Variants in ADGRL2 observed in about 807,000 individuals in gnomAD.
ADGRL2 encodes adhesion G protein-coupled receptor L2, also known as calcium-independent alpha-latrotoxin receptor 2.
In ADGRL2, 44 loss-of-function variants were observed where a neutral mutation model predicts 157.4. The ratio of observed to expected loss-of-function variants is 0.28; its 90% CI spans 0.22 to 0.36. The LOEUF is 0.36. ADGRL2 is among the 10% of genes least tolerant of loss of function. The pLI, the probability that ADGRL2 is intolerant of heterozygous loss-of-function variation, is 1.00. For missense variants in ADGRL2, 1,510 were observed against 1,768.9 expected (o/e 0.85, Z 2.63); for synonymous variants, 585 against 624.7 (o/e 0.94, Z 0.95).
chr1:81,350,367 G>A (rs892071880), intron 1 of ADGRL2, among the ~76,000 whole-genome samples: 3 of 152,148 alleles, frequency 2.0e-5, no homozygotes, highest in African/African-American at 7.2e-5. Context: ...GTTTATGATT[G>A]ACACAATGAA....
intron 2 of ADGRL2, among the ~76,000 whole-genome samples, chr1:81,847,357 T>TA (rs1365395921): frequency 2.0e-5 from 3 of 151,964 alleles, no homozygotes; most frequent in African/African-American, 7.2e-5. Flanking sequence ...CAGGTGATGC[T>TA]AAGGTTGCTG....
At chr1:81,462,076 T>C (rs2101810090) in intron 2 of ADGRL2, among the ~76,000 whole-genome samples, 1 of 152,242 alleles carries the variant, frequency 6.6e-6, no homozygotes, top group African/African-American at 2.4e-5. Context: ...CAACAATCAG[T>C]GCTCTGTGTC....
intron 3 of ADGRL2, among the ~76,000 whole-genome samples, chr1:81,668,949 T>G (rs1221906293): frequency 6.6e-6 from 1 of 152,184 alleles, no homozygotes; most frequent in East Asian, 1.9e-4. Flanking sequence ...GATACCTTCC[T>G]CAATATCTTG....
chr1:81,355,858 A>G (rs1663245678), intron 1 of ADGRL2, among the ~76,000 whole-genome samples: 1 of 152,174 alleles, frequency 6.6e-6, no homozygotes, highest in African/African-American at 2.4e-5. Context: ...TAACCCCTGG[A>G]TTAGACTATT....
At chr1:81,782,525 C>T (rs1442881283) in intron 2 of ADGRL2, among the ~76,000 whole-genome samples, 1 of 152,094 alleles carries the variant, frequency 6.6e-6, no homozygotes. Flanking sequence ...CCCAGTGAGC[C>T]TATTCTCTGT....
At chr1:81,307,914 G>A (rs1659462463) in intron 1 of ADGRL2, among the ~76,000 whole-genome samples, 1 of 151,338 alleles carries the variant, frequency 6.6e-6, no homozygotes, top group African/African-American at 2.4e-5. Flanking sequence ...TTAGCATAAA[G>A]AAGACATCTA....
intron 1 of ADGRL2, among the ~76,000 whole-genome samples, chr1:81,400,253 G>T (rs886858231): frequency 1.3e-5 from 2 of 152,022 alleles, no homozygotes; most frequent in African/African-American, 4.8e-5. Flanking sequence ...GCAGTGCTGG[G>T]TTCCAGGTGC....
intron 3 of ADGRL2, among the ~76,000 whole-genome samples, chr1:81,641,206 T>C (rs542314429): frequency 6.6e-6 from 1 of 152,276 alleles, no homozygotes; most frequent in African/African-American, 2.4e-5. Context: ...AAATAGATAG[T>C]CCACTATTAT....
intron 2 of ADGRL2, among the ~76,000 whole-genome samples, chr1:81,469,289 G>A (rs2078121626): frequency 2.0e-5 from 3 of 152,150 alleles, no homozygotes; most frequent in Admixed American, 6.5e-5. Context: ...AGGCACCAGT[G>A]TCCTCTCCTA....
chr1:81,909,718 G>A (rs1366352351), intron 3 of ADGRL2, among the ~76,000 whole-genome samples: 4 of 146,784 alleles, frequency 2.7e-5, no homozygotes, highest in Admixed American at 6.8e-5. Flanking sequence ...TCAAACCATT[G>A]CTTGTTTTTT....
chr1:81,762,583 A>G (rs1180181818), intron 2 of ADGRL2, among the ~76,000 whole-genome samples: 1 of 152,136 alleles, frequency 6.6e-6, no homozygotes, highest in African/African-American at 2.4e-5. Flanking sequence ...GTGGTTTAAG[A>G]GTATTCCCTA....
chr1:81,827,633 T>A (rs1394738432), intron 1 of ADGRL2, among the ~76,000 whole-genome samples: 2 of 152,196 alleles, frequency 1.3e-5, no homozygotes, highest in African/African-American at 2.4e-5. Flanking sequence ...TGGTGCGATC[T>A]TGGCGCACTA....
At chr1:81,565,541 G>A (rs1426544087) in intron 2 of ADGRL2, among the ~76,000 whole-genome samples, 1 of 152,154 alleles carries the variant, frequency 6.6e-6, no homozygotes, top group East Asian at 1.9e-4. Context: ...TGACCATGCT[G>A]CAGAGGTTTT....
intron 1 of ADGRL2, among the ~76,000 whole-genome samples, chr1:81,834,814 A>G (rs889027522): frequency 8.5e-4 from 129 of 152,310 alleles, no homozygotes; most frequent in Non-Finnish European, 5.1e-4. Context: ...ACAACCACTT[A>G]CATGGTCTCA....
chr1:81,589,795 T>C (rs1325399554), intron 3 of ADGRL2, among the ~76,000 whole-genome samples: 1 of 152,198 alleles, frequency 6.6e-6, no homozygotes, highest in African/African-American at 2.4e-5. Context: ...AGACTTCCAC[T>C]TTGATAGTAC....
intron 3 of ADGRL2, among the ~76,000 whole-genome samples, chr1:81,626,189 C>T (rs2081904995): frequency 6.6e-6 from 1 of 152,236 alleles, no homozygotes; most frequent in Admixed American, 6.5e-5. Flanking sequence ...AGAACTACTC[C>T]ACCCTTTTCC....
At chr1:81,953,177 T>C (rs549675323) in intron 10 of ADGRL2, among the ~76,000 whole-genome samples, 152 bp downstream of exon 10, 1 of 152,314 alleles carries the variant, frequency 6.6e-6, no homozygotes, top group East Asian at 1.9e-4. Flanking sequence ...TTCACAGGTA[T>C]ATTACTCTCA....
intron 1 of ADGRL2, among the ~76,000 whole-genome samples, chr1:81,712,088 C>T (rs776901055): frequency 6.6e-6 from 1 of 152,008 alleles, no homozygotes; most frequent in Non-Finnish European, 1.5e-5. Context: ...TTTCATTTTA[C>T]CAATGCTTTG....
At chr1:81,590,019 C>T (rs2081101299) in intron 3 of ADGRL2, among the ~76,000 whole-genome samples, 1 of 152,172 alleles carries the variant, frequency 6.6e-6, no homozygotes, top group Admixed American at 6.6e-5. Flanking sequence ...TCAGCAGCAA[C>T]TCATATCTTA....
Sources: allele counts gnomAD v4.1 joint callset (sites outside exome capture counted in the v4.1 genomes callset), GRCh38; gene constraint gnomAD v4.1.1; transcripts MANE v1.5; gene names NCBI Gene and HGNC (gene_info 2026-07-23, HGNC 2026-07-21).